GOLM1: variants seen among roughly 807,000 people sequenced by gnomAD.
GOLM1 encodes golgi membrane protein 1, also known as epididymis luminal protein 46.
Under a neutral mutation model 50.5 loss-of-function variants are expected in GOLM1, and 31 were observed. The observed-to-expected ratio is 0.61, with a 90% CI of 0.46 to 0.83. GOLM1 has a LOEUF of 0.83. Among genes scored for constraint, GOLM1 ranks in the 40% least tolerant of loss-of-function variants. The probability of loss-of-function intolerance (pLI) is 0.00; values close to 1 mark genes in which losing one functional copy is unlikely to be tolerated. For missense variants in GOLM1, 491 were observed against 501.3 expected (o/e 0.98, Z 0.20); for synonymous variants, 178 against 192.8 (o/e 0.92, Z 0.64).
intron 1 of GOLM1, among the ~76,000 whole-genome samples, chr9:86,088,520 A>G (rs1360277118): frequency 7.2e-6 from 1 of 138,134 alleles, no homozygotes; most frequent in Non-Finnish European, 1.5e-5. Context: ...CCCTTTTTAA[A>G]TCTTTGTTGG....
chr9:86,052,942 T>G lies in GOLM1; in HGVS notation c.310-351A>C, dbSNP rs569935213. On this transcript the variant is annotated intron_variant, in intron 3 of 9. Transcript: ENST00000388712. Reference sequence around the variant, plus strand: ...GCACCCAGAGGGCTAATCAGCAACCTCACACCGCACCACACCACACAGCAC... The same window carrying G: ...GCACCCAGAGGGCTAATCAGCAACCGCACACCGCACCACACCACACAGCAC... 4.7e-4 allele frequency among the ~76,000 whole-genome samples: 8 copies of G among 17,094 alleles called. No individual in the cohort carries two copies. In the East Asian group the frequency reaches 5.0e-3, roughly 11 times the overall value. The allele number at this position is 17,094 out of a possible 152,430, so 11.2% of individuals were successfully genotyped here. A position where few individuals can be genotyped will look rare whatever the true frequency, so the allele number is the denominator to read the frequency against.
rs947617597 is a variant in GOLM1, at chr9:86,040,958, C to CCTCT, written c.468-94_468-91dup. 84 of 1,270,534 alleles carry CCTCT rather than the reference C, an allele frequency of 6.6e-5. No individual in the cohort carries two copies. The African/African-American group carries it at 1.1e-3, about 17-fold the overall frequency. The allele number at this position is 1,270,534 out of a possible 1,614,324, so 78.7% of individuals were successfully genotyped here. A position where few individuals can be genotyped will look rare whatever the true frequency, so the allele number is the denominator to read the frequency against. On this transcript the variant is annotated intron_variant, in intron 5 of 9. Coordinates refer to ENST00000388712, the MANE Select transcript of GOLM1 (RefSeq NM_016548.4). ...ATCCACTTCCATAAGAGACACAGAC[C>CCTCT]CTCTTCCTGCTTCAGGCACTTCATC...
intron 3 of GOLM1, among the ~76,000 whole-genome samples, chr9:86,058,981 G>C (rs1470836155): frequency 6.6e-6 from 1 of 152,142 alleles, no homozygotes; most frequent in Non-Finnish European, 1.5e-5. Context: ...CTGGGTGATA[G>C]AGTGAGACTC....
At chr9:86,099,889 C>T (rs1320300677), upstream of GOLM1, 2 of 152,398 alleles carry the variant, frequency 1.3e-5, no homozygotes, top group African/African-American at 4.8e-5. Flanking sequence ...CACGTTCCGC[C>T]CCGAGGGAAT....
chr9:86,033,311 G>T lies in GOLM1; in HGVS notation c.1100C>A (p.Ala367Asp). The T allele has an allele frequency of 1.2e-6, 2 of 1,610,118 alleles. No homozygotes were observed. The highest frequency in any genetic ancestry group is 1.7e-6 in the Non-Finnish European group (2 of 1,176,334). ...TATGTTTCTGTCATTCCCTGCCAGGGCTGCTTGCTTGTCTGTCTCAGATTC... is the reference window on the plus strand; with the variant it reads ...TATGTTTCTGTCATTCCCTGCCAGGTCTGCTTGCTTGTCTGTCTCAGATTC... ...EAESETDKQA[A>D]LAGNDRNIDV... is the part of the protein sequence containing the mutation. The change falls in exon 9 of 10, where the codon GCC becomes GAC. Residue 367 changes from alanine (A) to aspartate (D), a missense_variant. Physicochemically the swap from Ala to Asp is moderately radical, Grantham distance 126. Transcript: ENST00000388712.
chr9:86,060,140 A>C (rs1280004155), intron 3 of GOLM1, among the ~76,000 whole-genome samples: 1 of 152,090 alleles, frequency 6.6e-6, no homozygotes, highest in Admixed American at 6.6e-5. Context: ...ATTATTGAGA[A>C]ATTTGGCATT....
At chr9:86,083,608 G>A (rs1184822928) in intron 1 of GOLM1, among the ~76,000 whole-genome samples, 6 of 152,158 alleles carry the variant, frequency 3.9e-5, no homozygotes, top group Non-Finnish European at 8.8e-5. Flanking sequence ...GGCTGGTCTC[G>A]AATTCTCGGC....
intron 9 of GOLM1, among the ~76,000 whole-genome samples, chr9:86,032,739 C>T (rs1833021836): frequency 6.6e-6 from 1 of 152,156 alleles, no homozygotes; most frequent in South Asian, 2.1e-4. Context: ...AAGGGATCAA[C>T]CAATCACCTG....
chr9:86,052,377 G>A (rs897110843), intron 4 of GOLM1, among the ~76,000 whole-genome samples, 160 bp downstream of exon 4: 1 of 152,076 alleles, frequency 6.6e-6, no homozygotes, highest in Non-Finnish European at 1.5e-5. Flanking sequence ...AGCCTCTTAA[G>A]GAGATAGACT....
At position 86,030,685 on chromosome 9, in the gene GOLM1, C is replaced by CA. The variant is rs1832948573; in HGVS notation, c.1129+2596dup. On this transcript the variant is annotated intron_variant, in intron 9 of 9. Coordinates refer to ENST00000388712, the MANE Select transcript of GOLM1 (RefSeq NM_016548.4). ...GAAAAAAAGACATGAATTGGACACT[C>CA]ACTAAATTTCAACAAAGTCTACAGA... is the stretch of plus-strand genomic sequence containing the variant. Among the ~76,000 whole-genome samples, 3 of 152,276 alleles carry CA rather than the reference C, an allele frequency of 2.0e-5. No individual in the cohort carries two copies. In the South Asian group the frequency reaches 6.2e-4, roughly 32 times the overall value.
At chr9:86,070,390 G>A (rs1389583587) in intron 3 of GOLM1, among the ~76,000 whole-genome samples, 1 of 151,768 alleles carries the variant, frequency 6.6e-6, no homozygotes, top group East Asian at 2.0e-4. Flanking sequence ...TGGCCAGGAT[G>A]GTGAAACCCT....
chr9:86,091,659 A>T (rs1220935565), intron 1 of GOLM1, among the ~76,000 whole-genome samples: 1 of 152,172 alleles, frequency 6.6e-6, no homozygotes, highest in African/African-American at 2.4e-5. Flanking sequence ...CCTGGACCTA[A>T]GCAATCCTCA....
At chr9:86,046,171 G>A (rs955222226) in intron 5 of GOLM1, among the ~76,000 whole-genome samples, 10 of 152,112 alleles carry the variant, frequency 6.6e-5, no homozygotes, top group African/African-American at 2.4e-4. Context: ...TTTAGCTCAC[G>A]CATGAGCACC....
chr9:86,070,715 A>T (rs948578087), intron 3 of GOLM1, among the ~76,000 whole-genome samples: 1 of 152,208 alleles, frequency 6.6e-6, no homozygotes, highest in African/African-American at 2.4e-5. Flanking sequence ...ATGGACTGAG[A>T]TTCCCATTCA....
At chr9:86,050,660 T>C (rs970019818) in intron 4 of GOLM1, among the ~76,000 whole-genome samples, 10 of 152,342 alleles carry the variant, frequency 6.6e-5, no homozygotes, top group African/African-American at 2.4e-4. Context: ...TAGAGGTGTT[T>C]ATAGTATTCT....
intron 1 of GOLM1, among the ~76,000 whole-genome samples, chr9:86,088,422 A>G (rs1189428847): frequency 0.037 from 561 of 15,132 alleles, 12 homozygotes; most frequent in African/African-American, 0.056. Flanking sequence ...TGAAGGGTGT[A>G]TATATATATA....
chr9:86,030,077 G>A (rs1832922749), intron 9 of GOLM1, among the ~76,000 whole-genome samples: 2 of 152,098 alleles, frequency 1.3e-5, no homozygotes, highest in South Asian at 4.2e-4. Flanking sequence ...TGGGCATGGT[G>A]GCATGAGCCT....
chr9:86,055,896 T>C (rs966812770), intron 3 of GOLM1, among the ~76,000 whole-genome samples: 1 of 152,208 alleles, frequency 6.6e-6, no homozygotes, highest in Non-Finnish European at 1.5e-5. Context: ...ATCACTGATC[T>C]GTACACTGAA....
intron 6 of GOLM1, among the ~76,000 whole-genome samples, chr9:86,039,901 G>C (rs1833278638): frequency 6.6e-6 from 1 of 151,654 alleles, no homozygotes; most frequent in Admixed American, 6.6e-5. Flanking sequence ...CTGGGAGGCA[G>C]AGGCTGCAGT....
Sources: allele counts gnomAD v4.1 joint callset (sites outside exome capture counted in the v4.1 genomes callset), GRCh38; gene constraint gnomAD v4.1.1; transcripts MANE v1.5; gene names NCBI Gene and HGNC (gene_info 2026-07-23, HGNC 2026-07-21).